BAZ2B: variants seen among roughly 807,000 people sequenced by gnomAD.
BAZ2B encodes the protein bromodomain adjacent to zinc finger domain 2B.
In BAZ2B, 91 loss-of-function variants were observed where a neutral mutation model predicts 246.0. The observed-to-expected ratio is 0.37, with a 90% CI of 0.31 to 0.44. The LOEUF is 0.44. Ranked by LOEUF, BAZ2B falls within the 20% of genes least tolerant of loss-of-function variation. BAZ2B has a pLI of 1.00. For synonymous variants in BAZ2B, 855 were observed against 860.0 expected (o/e 0.99, Z 0.10); for missense variants, 2,332 against 2,533.7 (o/e 0.92, Z 1.71).
chr2:159,342,635 A>G (rs753280114), intron 31 of BAZ2B, among the ~76,000 whole-genome samples: 2 of 152,200 alleles, frequency 1.3e-5, no homozygotes, highest in Admixed American at 6.5e-5. Context: ...AAAGAAATCA[A>G]GAAGGCAATC....
chr2:159,576,843 G>A (rs994460847), intron 1 of BAZ2B, among the ~76,000 whole-genome samples: 1 of 143,686 alleles, frequency 7.0e-6, no homozygotes, highest in Non-Finnish European at 1.5e-5. Context: ...AACCCAGGAG[G>A]CAGAGGTTGC....
At chr2:159,602,723 C>T (rs1347924100) in intron 1 of BAZ2B, among the ~76,000 whole-genome samples, 6 of 152,070 alleles carry the variant, frequency 3.9e-5, no homozygotes, top group Non-Finnish European at 8.8e-5. Flanking sequence ...TTCCAGAATA[C>T]CATAAAATAT....
intron 2 of BAZ2B, among the ~76,000 whole-genome samples, chr2:159,484,055 C>T (rs145034745): frequency 7.9e-5 from 12 of 152,240 alleles, no homozygotes; most frequent in East Asian, 1.9e-4. Flanking sequence ...GTGACATTTT[C>T]GGTTGTCACA....
intron 36 of BAZ2B, among the ~76,000 whole-genome samples, chr2:159,323,052 G>A (rs1335845236): frequency 2.8e-5 from 4 of 142,106 alleles, no homozygotes; most frequent in Non-Finnish European, 4.9e-5. Flanking sequence ...GTGCAGTGGC[G>A]AGGTAACTCA....
chr2:159,377,395 T>C (rs988059608), intron 25 of BAZ2B, among the ~76,000 whole-genome samples: 1 of 152,240 alleles, frequency 6.6e-6, no homozygotes, highest in Non-Finnish European at 1.5e-5. Flanking sequence ...TTAATTTGAC[T>C]TATTAGGTCC....
chr2:159,593,859 T>C (rs1370231644), intron 1 of BAZ2B, among the ~76,000 whole-genome samples: 1 of 152,224 alleles, frequency 6.6e-6, no homozygotes, highest in Non-Finnish European at 1.5e-5. Flanking sequence ...TTTGCCATTT[T>C]TGCCAGTTTT....
At chr2:159,502,642 G>T (rs1004422863) in intron 2 of BAZ2B, among the ~76,000 whole-genome samples, 1 of 151,946 alleles carries the variant, frequency 6.6e-6, no homozygotes, top group Non-Finnish European at 1.5e-5. Context: ...CAAAATAAAA[G>T]AATATCTGCA....
chr2:159,658,585 T>G, the BAZ2B span, among the ~76,000 whole-genome samples: 4 of 152,324 alleles, frequency 2.6e-5, no homozygotes, highest in East Asian at 7.7e-4. Context: ...TGGTGCAATC[T>G]CAGCTCACTG....
chr2:159,505,565 C>G (rs1464118210), intron 2 of BAZ2B, among the ~76,000 whole-genome samples: 1 of 151,876 alleles, frequency 6.6e-6, no homozygotes, highest in Non-Finnish European at 1.5e-5. Context: ...GTCTTGTTGG[C>G]CCAGTACTTA....
At position 159,337,639 on chromosome 2, in the gene BAZ2B, T is replaced by C. The variant is rs755097790; in HGVS notation, c.5588A>G (p.Glu1863Gly). 2.1e-5 allele frequency: 34 copies of C among 1,614,118 alleles called. No homozygotes were observed. In the East Asian group the frequency reaches 7.6e-4, roughly 36 times the overall value. ...GEDESSAHAL[E>G]RKSDNPLDIA... Reference sequence around the variant, plus strand: ...ATCTAGGGGGTTGTCACTCTTCCGTTCTAGTGCATGTGCACTGCTTTCGTC... The same window carrying C: ...ATCTAGGGGGTTGTCACTCTTCCGTCCTAGTGCATGTGCACTGCTTTCGTC... The change falls in exon 32 of 37, where the codon GAA becomes GGA. Residue 1863 changes from glutamate to glycine, a missense_variant. Around this residue, in one of 9 missense-constraint regions of BAZ2B, gnomAD observed 676 missense variants for 668.6 expected, o/e 1.01. Transcript: ENST00000392783.
intron 3 of BAZ2B, chr2:159,461,312 A>AAT (rs1484352407): frequency 6.6e-6 from 1 of 152,636 alleles, no homozygotes; most frequent in African/African-American, 2.4e-5. Flanking sequence ...CATACCTGCC[A>AAT]ATATACCTGG....
chr2:159,556,488 A>G (rs12105395), intron 1 of BAZ2B, among the ~76,000 whole-genome samples: 8,630 of 152,140 alleles, frequency 0.057, 443 homozygotes, highest in African/African-American at 0.13. Context: ...TTCGAGACAG[A>G]GTCTCAATCT....
chr2:159,406,097 T>C (rs2065890274), intron 14 of BAZ2B, among the ~76,000 whole-genome samples: 1 of 152,264 alleles, frequency 6.6e-6, no homozygotes, highest in South Asian at 2.1e-4. Context: ...ACATTTGTAA[T>C]GTGACTTTGG....
the BAZ2B span, among the ~76,000 whole-genome samples, chr2:159,656,038 G>A: frequency 6.6e-6 from 1 of 151,970 alleles, no homozygotes; most frequent in Non-Finnish European, 1.5e-5. Context: ...TTGACTTTTA[G>A]AGAGCATGTA....
intron 10 of BAZ2B, among the ~76,000 whole-genome samples, chr2:159,429,833 A>G (rs2070741357): frequency 2.6e-5 from 4 of 152,214 alleles, no homozygotes; most frequent in African/African-American, 7.2e-5. Flanking sequence ...GTAGGCTATC[A>G]TATTGGTATG....
chr2:159,509,910 T>A (rs543474097), intron 2 of BAZ2B, among the ~76,000 whole-genome samples: 173 of 152,192 alleles, frequency 1.1e-3, no homozygotes, highest in African/African-American at 3.9e-3. Context: ...AGTGTGTATG[T>A]ATAAATGTAC....
chr2:159,318,725 T>C (rs1198450033), downstream of BAZ2B, among the ~76,000 whole-genome samples: 1 of 152,226 alleles, frequency 6.6e-6, no homozygotes, highest in African/African-American at 2.4e-5. Context: ...ATCTAATGTA[T>C]TCTAATATTT....
At chr2:159,510,870 C>T (rs574503452) in intron 2 of BAZ2B, among the ~76,000 whole-genome samples, 27 of 152,260 alleles carry the variant, frequency 1.8e-4, no homozygotes, top group African/African-American at 6.3e-4. Flanking sequence ...TTACATATCA[C>T]TCATTAAGCA....
chr2:159,654,988 C>T, the BAZ2B span, among the ~76,000 whole-genome samples: 1 of 152,076 alleles, frequency 6.6e-6, no homozygotes, highest in African/African-American at 2.4e-5. Context: ...ATTTATTTTT[C>T]ATGTGCTTGG....
Sources: gnomAD v4.1 joint callset for allele counts (sites outside exome capture counted in the v4.1 genomes callset) on GRCh38, gnomAD v4.1.1 for gene constraint, gnomAD v4.1.1 regional missense constraint, MANE v1.5 for transcripts, NCBI Gene and HGNC (gene_info 2026-07-23, HGNC 2026-07-21) for gene names.